Variants in PDZRN4 observed in about 807,000 individuals in gnomAD.
PDZRN4 encodes the protein PDZ domain-containing RING finger protein 4.
Under a neutral mutation model 99.0 loss-of-function variants are expected in PDZRN4, and 70 were observed. That is an observed-to-expected ratio of 0.71 (90% confidence interval 0.58 to 0.86). PDZRN4 has a LOEUF of 0.86. Among genes scored for constraint, PDZRN4 ranks in the 40% least tolerant of loss-of-function variants. The probability of loss-of-function intolerance (pLI) is 0.00; values close to 1 mark genes in which losing one functional copy is unlikely to be tolerated. For missense variants in PDZRN4, 1,474 were observed against 1,331.2 expected, an observed-to-expected ratio of 1.11 and a Z score of -1.67; for synonymous variants, 551 against 501.6, an observed-to-expected ratio of 1.10 and a Z score of -1.32.
At chr12:41,482,884 C>A (rs1937699400) in intron 3 of PDZRN4, among the ~76,000 whole-genome samples, 1 of 151,988 alleles carries the variant, frequency 6.6e-6, no homozygotes, top group Non-Finnish European at 1.5e-5. Context: ...ATGGGGGAAG[C>A]AGGGCATCCA....
At chr12:41,460,030 G>A (rs1163239434) in intron 3 of PDZRN4, 1 of 1,288,096 alleles carries the variant, frequency 7.8e-7, no homozygotes, top group Admixed American at 2.3e-5. Context: ...AGTATGTGTG[G>A]GATCTTAGTT....
chr12:41,188,980 G>A lies in PDZRN4; in HGVS notation c.525G>A (p.Leu175=). 2.0e-6 allele frequency: 3 copies of A among 1,489,418 alleles called. No individual in the cohort carries two copies. Among genetic ancestry groups the A allele is most frequent in the East Asian group, 2.8e-5 (1 of 35,106 alleles). 92.3% of individuals were successfully genotyped at this position (1,489,418 alleles called of 1,614,324 possible). Residue 175 remains leucine (L), a synonymous_variant, in exon 1 of 10, where the codon CTG becomes CTA. Transcript: ENST00000402685. Reference sequence around the variant, plus strand: ...GGAGGCGGCGCGAGAAGGCGCTGCTGGCGCAGCTCTGGGCGCTGCAGGGCG... The same window carrying A: ...GGAGGCGGCGCGAGAAGGCGCTGCTAGCGCAGCTCTGGGCGCTGCAGGGCG... The part of the protein sequence containing the change: ...LAWRRREKAL[L]AQLWALQGEV...
At chr12:41,260,725 ATATTT>A (rs10588823) in intron 3 of PDZRN4, among the ~76,000 whole-genome samples, 8,217 of 152,214 alleles carry the variant, frequency 0.054, 239 homozygotes, top group Non-Finnish European at 0.06. Flanking sequence ...ATGCTATTAT[ATATTT>A]TAAAGTCAGT....
At chr12:41,391,076 G>A (rs1952207862) in intron 3 of PDZRN4, among the ~76,000 whole-genome samples, 1 of 152,076 alleles carries the variant, frequency 6.6e-6, no homozygotes, top group Admixed American at 6.6e-5. Flanking sequence ...CCAAGACTTG[G>A]TTTCTTGTTA....
At chr12:41,224,266 A>T (rs1370889581) in intron 3 of PDZRN4, among the ~76,000 whole-genome samples, 1 of 152,208 alleles carries the variant, frequency 6.6e-6, no homozygotes, top group Non-Finnish European at 1.5e-5. Flanking sequence ...ACAAATGGGT[A>T]AACAATGCTC....
intron 3 of PDZRN4, among the ~76,000 whole-genome samples, chr12:41,247,669 A>G (rs911813320): frequency 2.6e-5 from 4 of 152,198 alleles, no homozygotes; most frequent in Non-Finnish European, 5.9e-5. Flanking sequence ...CTTGGATAGA[A>G]GATAGAATGT....
chr12:41,544,588 G>A (rs907054002), intron 5 of PDZRN4, among the ~76,000 whole-genome samples: 5 of 152,070 alleles, frequency 3.3e-5, no homozygotes, highest in Admixed American at 3.3e-4. Flanking sequence ...TAACAGATAA[G>A]GACCTTCTTA....
intron 3 of PDZRN4, among the ~76,000 whole-genome samples, chr12:41,326,195 CT>C (rs1360364905): frequency 6.6e-6 from 1 of 151,872 alleles, no homozygotes; most frequent in Non-Finnish European, 1.5e-5. Context: ...CCAGGGTGGT[CT>C]CAAATTTCTG....
At chr12:41,273,903 C>T (rs1951332713) in intron 3 of PDZRN4, among the ~76,000 whole-genome samples, 1 of 151,990 alleles carries the variant, frequency 6.6e-6, no homozygotes, top group Non-Finnish European at 1.5e-5. Flanking sequence ...ATCCCATTAT[C>T]ATTTATCATT....
intron 5 of PDZRN4, among the ~76,000 whole-genome samples, chr12:41,527,013 G>A (rs779612389): frequency 8.0e-4 from 122 of 152,190 alleles, no homozygotes; most frequent in Non-Finnish European, 1.5e-3. Context: ...ATAAGGCACT[G>A]TCTTCTGTTA....
At chr12:41,224,031 A>C (rs1053892097) in intron 3 of PDZRN4, among the ~76,000 whole-genome samples, 1 of 152,248 alleles carries the variant, frequency 6.6e-6, no homozygotes, top group African/African-American at 2.4e-5. Context: ...AACTCTCTGC[A>C]GAAAACTGCA....
chr12:41,571,360 TCTCTCTCTCTCTCTCTCACACA>T (rs1565619022), intron 9 of PDZRN4, among the ~76,000 whole-genome samples: 1 of 98,002 alleles, frequency 1.0e-5, no homozygotes, highest in African/African-American at 4.6e-5. Context: ...TCTCTCTCTC[TCTCTCTCTCTCTCTCTCACACA>T]CACACACACA....
rs564312811 is a variant in PDZRN4, at chr12:41,382,283, G to A, written c.844-124173G>A. ...TCTGGGCTCTATGATTGGTCAGAGC[G>A]TCAGACTGTGCTCTACAATTGGGTG... On this transcript the variant is annotated intron_variant, in intron 3 of 9. Coordinates refer to ENST00000402685, the MANE Select transcript of PDZRN4 (RefSeq NM_001164595.2). 4.7e-4 allele frequency among the ~76,000 whole-genome samples: 72 copies of A among 152,244 alleles called. No homozygotes were observed. In the South Asian group the frequency reaches 8.9e-3, roughly 19 times the overall value.
chr12:41,563,776 TCC>T, intron 8 of PDZRN4, 127 bp downstream of exon 8: 1 of 678,350 alleles, frequency 1.5e-6, no homozygotes, highest in Non-Finnish European at 2.5e-6. Flanking sequence ...CGGTTATCTC[TCC>T]CCATATAACC....
intron 3 of PDZRN4, among the ~76,000 whole-genome samples, chr12:41,271,568 T>A (rs78262137): frequency 0.011 from 1,707 of 152,222 alleles, 34 homozygotes; most frequent in African/African-American, 0.039. Context: ...TAACTTCCTT[T>A]CCCTTGTTCC....
chr12:41,528,427 T>G (rs1938606962), intron 5 of PDZRN4, among the ~76,000 whole-genome samples: 1 of 152,220 alleles, frequency 6.6e-6, no homozygotes. Flanking sequence ...TTGTGGTTAT[T>G]TATGTATATG....
chr12:41,519,154 G>T (rs1938451273), intron 5 of PDZRN4, among the ~76,000 whole-genome samples: 3 of 151,854 alleles, frequency 2.0e-5, no homozygotes, highest in Admixed American at 2.0e-4. Context: ...TTTCAAAGTT[G>T]AAGGACATTT....
rs376067972 is a variant in PDZRN4 at position 41,435,632 on chromosome 12, C to CA, written c.844-70818dup. The stretch of plus-strand genomic sequence containing the variant: ...TGAAACCCCGTCTCTACTAAAAATA[C>CA]AAAAAATTAGCCAGGCATGGTGGCA... On this transcript the variant is annotated intron_variant, in intron 3 of 9. Transcript: ENST00000402685. Among the ~76,000 whole-genome samples the CA allele has an allele frequency of 3.9e-3, 591 of 151,984 alleles. 2 individuals are homozygous for CA. Among genetic ancestry groups the CA allele is most frequent in the African/African-American group, 0.014 (573 of 41,482 alleles).
intron 3 of PDZRN4, among the ~76,000 whole-genome samples, chr12:41,231,602 A>G (rs1951030013): frequency 6.6e-6 from 1 of 152,062 alleles, no homozygotes; most frequent in Non-Finnish European, 1.5e-5. Context: ...ATAAGAATTT[A>G]CTTAGTCATT....
Sources: gnomAD v4.1 joint callset for allele counts (sites outside exome capture counted in the v4.1 genomes callset) on GRCh38, gnomAD v4.1.1 for gene constraint, MANE v1.5 for transcripts, NCBI Gene and HGNC (gene_info 2026-07-23, HGNC 2026-07-21) for gene names.